Variants in CMC1 observed in about 807,000 individuals in gnomAD.
CMC1 encodes C-X9-C motif containing 1.
Under a neutral mutation model 14.1 loss-of-function variants are expected in CMC1, and 14 were observed. The ratio of observed to expected loss-of-function variants is 0.99; its 90% CI spans 0.66 to 1.55. The LOEUF (loss-of-function observed/expected upper bound fraction) is 1.55, where lower values mean the gene tolerates loss of function less well. CMC1 is among the 40% of genes most tolerant of loss of function. The probability of loss-of-function intolerance (pLI) is 0.00; values close to 1 mark genes in which losing one functional copy is unlikely to be tolerated. For synonymous variants in CMC1, 50 were observed against 38.4 expected, an observed-to-expected ratio of 1.30 and a Z score of -1.12; for missense variants, 127 against 123.8, an observed-to-expected ratio of 1.03 and a Z score of -0.12.
chr3:28,320,128 A>T lies in CMC1; in HGVS notation c.*499A>T, dbSNP rs1703139525. 1 of 153,310 alleles carries T rather than the reference A, an allele frequency of 6.5e-6. No individual in the cohort carries two copies. The highest frequency in any genetic ancestry group is 6.5e-5 in the Admixed American group (1 of 15,344). 9.5% of individuals were successfully genotyped at this position (153,310 alleles called of 1,614,324 possible). A position where few individuals can be genotyped will look rare whatever the true frequency, so the allele number is the denominator to read the frequency against. On this transcript the variant is annotated 3_prime_UTR_variant, in exon 4 of 4. Transcript: ENST00000466830. ...TTTGTGAGGATGTACTGAGTATTGC[A>T]TATAGCAGGTACACGTACAGTGTAT...
intron 2 of CMC1, among the ~76,000 whole-genome samples, chr3:28,311,571 C>T (rs879796995): frequency 1.3e-5 from 2 of 152,150 alleles, no homozygotes; most frequent in African/African-American, 2.4e-5. Flanking sequence ...ACCTTCCTCC[C>T]TGCATTGAAA....
At chr3:28,307,531 T>C (rs574243109) in intron 2 of CMC1, among the ~76,000 whole-genome samples, 184 of 152,252 alleles carry the variant, frequency 1.2e-3, no homozygotes, top group African/African-American at 3.9e-3. Flanking sequence ...TATTCACGCA[T>C]CAGTTCCTGA....
rs566565816 is a variant in CMC1 at position 28,314,060 on chromosome 3, C to A, written c.110-2273C>A. ...GGGGAATCCAGCCCATGGTTCATTA[C>A]CACTATTGAACATGGCAGTTCTCTT... On this transcript the variant is annotated intron_variant, in intron 2 of 3. Coordinates refer to ENST00000466830, the MANE Select transcript of CMC1 (RefSeq NM_182523.2). Among the ~76,000 whole-genome samples the A allele has an allele frequency of 5.9e-5, 9 of 152,246 alleles. No individual in the cohort carries two copies. The East Asian group carries it at 1.2e-3, about 20-fold the overall frequency.
intron 2 of CMC1, among the ~76,000 whole-genome samples, chr3:28,290,047 G>A (rs1701389531): frequency 6.6e-6 from 1 of 152,066 alleles, no homozygotes; most frequent in South Asian, 2.1e-4. Flanking sequence ...GAGTGATTAT[G>A]TTTTAACTCC....
At position 28,255,853 on chromosome 3, in the gene CMC1, A is replaced by G. The variant is rs572800933; in HGVS notation, c.20-7438A>G. On this transcript the variant is annotated intron_variant, in intron 1 of 3. Transcript: ENST00000466830. ...CATAGGCAATGAAAATTAGAATACA[A>G]CCACAGGTGTTGTAAAGAGAAAAAA... Among the ~76,000 whole-genome samples, 216 of 152,082 alleles carry G rather than the reference A, an allele frequency of 1.4e-3. 5 individuals are homozygous for G. The South Asian group carries it at 0.028, about 20-fold the overall frequency.
At chr3:28,244,851 A>G (rs2125413108) in intron 1 of CMC1, among the ~76,000 whole-genome samples, 2 of 152,090 alleles carry the variant, frequency 1.3e-5, no homozygotes, top group South Asian at 2.1e-4. Context: ...AATGGAAGCA[A>G]TGGAGAGTAA....
intron 1 of CMC1, among the ~76,000 whole-genome samples, chr3:28,254,548 G>A (rs1576982360): frequency 6.6e-6 from 1 of 152,084 alleles, no homozygotes; most frequent in African/African-American, 2.4e-5. Context: ...GTGTTTGATA[G>A]GAATATTATA....
Position 28,319,852 on chromosome 3 carries a change from G to A in CMC1, c.*223G>A, listed in dbSNP as rs1042858030. The A allele has an allele frequency of 2.8e-6, 1 of 353,960 alleles. No homozygotes were observed. Among genetic ancestry groups the A allele is most frequent in the Non-Finnish European group, 5.1e-6 (1 of 194,702 alleles). The allele number at this position is 353,960 out of a possible 1,614,324, so 21.9% of individuals were successfully genotyped here. On this transcript the variant is annotated 3_prime_UTR_variant, in exon 4 of 4. Coordinates refer to ENST00000466830, the MANE Select transcript of CMC1 (RefSeq NM_182523.2). ...CCTGGTCATTCTGGACCTTTTGAAA[G>A]TTTTCCCACAACTATAGTTCTATAA...
intron 2 of CMC1, among the ~76,000 whole-genome samples, chr3:28,310,922 C>T (rs1452426716): frequency 2.0e-5 from 3 of 151,814 alleles, no homozygotes; most frequent in Non-Finnish European, 4.4e-5. Context: ...GGTTTGTGCT[C>T]CTATGAGAAT....
chr3:28,273,073 T>C (rs1270504210), intron 2 of CMC1, among the ~76,000 whole-genome samples: 2 of 152,184 alleles, frequency 1.3e-5, no homozygotes, highest in Admixed American at 6.5e-5. Context: ...TCTTCAGTTG[T>C]TTGGAATAGT....
At chr3:28,257,891 A>G (rs1419554414) in intron 1 of CMC1, among the ~76,000 whole-genome samples, 1 of 152,042 alleles carries the variant, frequency 6.6e-6, no homozygotes, top group Non-Finnish European at 1.5e-5. Context: ...AGTTTTCCAG[A>G]GAAATGTATC....
At chr3:28,267,529 C>A (rs956725657) in intron 2 of CMC1, among the ~76,000 whole-genome samples, 6 of 152,094 alleles carry the variant, frequency 3.9e-5, no homozygotes, top group Non-Finnish European at 8.8e-5. Flanking sequence ...TTTAATGTTT[C>A]TTTTGTATTT....
chr3:28,263,499 C>A, intron 2 of CMC1, 119 bp downstream of exon 2: 1 of 585,016 alleles, frequency 1.7e-6, no homozygotes, highest in South Asian at 2.7e-5. Context: ...GCTTCTCACC[C>A]TTTCGCTGAA....
At chr3:28,276,671 A>C (rs927298269) in intron 2 of CMC1, among the ~76,000 whole-genome samples, 6 of 152,280 alleles carry the variant, frequency 3.9e-5, no homozygotes, top group African/African-American at 1.4e-4. Flanking sequence ...TGCAGTTGGC[A>C]TTTTTTCCTG....
chr3:28,285,199 C>A (rs1024834964), intron 2 of CMC1, among the ~76,000 whole-genome samples: 7 of 152,098 alleles, frequency 4.6e-5, no homozygotes, highest in Non-Finnish European at 8.8e-5. Context: ...TATTCTCTGT[C>A]CTTACCAAGA....
At position 28,241,655 on chromosome 3, in the gene CMC1, C is replaced by G. The variant is rs1473478120; in HGVS notation, c.-139C>G. On this transcript the variant is annotated 5_prime_UTR_variant, in exon 1 of 4. Transcript: ENST00000466830. The stretch of plus-strand genomic sequence containing the variant: ...GAAGAGGGAACGGGTCCTGGCGGTG[C>G]TTTGCAAAGGGCCCGTGTTTCTGTT... 1.4e-5 allele frequency: 17 copies of G among 1,233,418 alleles called. No individual in the cohort carries two copies. The highest frequency in any genetic ancestry group is 1.5e-5 in the Non-Finnish European group (15 of 987,840). 76.4% of individuals were successfully genotyped at this position (1,233,418 alleles called of 1,614,324 possible). A position where few individuals can be genotyped will look rare whatever the true frequency, so the allele number is the denominator to read the frequency against.
chr3:28,263,082 C>T (rs1699815840), intron 1 of CMC1: 1 of 478,720 alleles, frequency 2.1e-6, no homozygotes, highest in Non-Finnish European at 3.7e-6. Context: ...AAACATGTTG[C>T]TTGTATTCCT....
At chr3:28,268,771 A>G (rs1252094537) in intron 2 of CMC1, among the ~76,000 whole-genome samples, 2 of 152,196 alleles carry the variant, frequency 1.3e-5, no homozygotes, top group African/African-American at 2.4e-5. Flanking sequence ...GTGTATGCCT[A>G]TCATGCCTGG....
chr3:28,247,214 G>A (rs1012889206), intron 1 of CMC1, among the ~76,000 whole-genome samples: 3 of 151,984 alleles, frequency 2.0e-5, no homozygotes, highest in Admixed American at 6.6e-5. Context: ...TTATTTCTCT[G>A]AGAAGCCCTG....
Sources: gnomAD v4.1 joint callset for allele counts (sites outside exome capture counted in the v4.1 genomes callset) on GRCh38, gnomAD v4.1.1 for gene constraint, MANE v1.5 for transcripts, NCBI Gene and HGNC (gene_info 2026-07-23, HGNC 2026-07-21) for gene names.